MYT1L: variants seen among roughly 807,000 people sequenced by gnomAD.
The protein encoded by MYT1L is myelin transcription factor 1 like, also known as myelin transcription factor 1-like protein.
In MYT1L, 12 loss-of-function variants were observed where a neutral mutation model predicts 126.7. That is an observed-to-expected ratio of 0.09 (90% CI 0.06 to 0.15). The LOEUF is 0.15. Ranked by LOEUF, MYT1L falls within the 10% of genes least tolerant of loss-of-function variation. The pLI, the probability that MYT1L is intolerant of heterozygous loss-of-function variation, is 1.00. For synonymous variants in MYT1L, 541 were observed against 604.2 expected, an observed-to-expected ratio of 0.90 and a Z score of 1.53; for missense variants, 979 against 1,585.2, an observed-to-expected ratio of 0.62 and a Z score of 6.49.
At chr2:2,262,696 A>C (rs1464444676) in intron 2 of MYT1L, among the ~76,000 whole-genome samples, 21 of 150,856 alleles carry the variant, frequency 1.4e-4, no homozygotes, top group Non-Finnish European at 2.7e-4. Context: ...CCATCTCAAA[A>C]AAAAAAAAAA....
At chr2:2,109,875 TTATATATATATATA>T (rs58549168) in intron 3 of MYT1L, among the ~76,000 whole-genome samples, 2,852 of 63,884 alleles carry the variant, frequency 0.045, 115 homozygotes, top group East Asian at 0.14. Flanking sequence ...AGTGCTGATT[TTATATATATATATA>T]TATATATATA....
chr2:2,115,853 A>G (rs56277452), intron 3 of MYT1L, among the ~76,000 whole-genome samples: 1 of 148,980 alleles, frequency 6.7e-6, no homozygotes, highest in Non-Finnish European at 1.5e-5. Flanking sequence ...CCTGCTGTGC[A>G]GTTGAGGAAG....
intron 8 of MYT1L, among the ~76,000 whole-genome samples, chr2:1,947,298 C>T (rs1313011855): frequency 2.6e-5 from 4 of 152,108 alleles, no homozygotes; most frequent in East Asian, 3.9e-4. Context: ...TCAGACTGTG[C>T]GATGTTGGCC....
chr2:2,275,358 T>C (rs187812928), intron 2 of MYT1L, among the ~76,000 whole-genome samples: 1 of 152,156 alleles, frequency 6.6e-6, no homozygotes, highest in East Asian at 1.9e-4. Context: ...CCTAAAATGA[T>C]GAAGCTAATA....
chr2:1,971,500 G>A (rs553747834), intron 8 of MYT1L, among the ~76,000 whole-genome samples: 7 of 152,326 alleles, frequency 4.6e-5, no homozygotes, highest in Admixed American at 3.9e-4. Context: ...GGAGGCTGAG[G>A]CAGGCAGATC....
At chr2:2,061,123 T>G (rs2070417044) in intron 3 of MYT1L, among the ~76,000 whole-genome samples, 1 of 152,206 alleles carries the variant, frequency 6.6e-6, no homozygotes, top group African/African-American at 2.4e-5. Context: ...CAGATAATTT[T>G]GAGGCAGATT....
intron 8 of MYT1L, among the ~76,000 whole-genome samples, chr2:1,961,558 A>G (rs530222395): frequency 5.9e-5 from 9 of 152,374 alleles, no homozygotes; most frequent in African/African-American, 2.2e-4. Flanking sequence ...GGCCTCTGCC[A>G]TCGGGCTTCG....
intron 1 of MYT1L, among the ~76,000 whole-genome samples, chr2:2,316,206 G>A (rs1348557775): frequency 6.6e-6 from 1 of 152,084 alleles, no homozygotes; most frequent in Non-Finnish European, 1.5e-5. Context: ...TGGGCCTGAT[G>A]TTCTTCTCTA....
chr2:2,315,129 T>C (rs1450176742), intron 1 of MYT1L, among the ~76,000 whole-genome samples: 2 of 152,222 alleles, frequency 1.3e-5, no homozygotes, highest in Admixed American at 1.3e-4. Flanking sequence ...AGCACTTTTC[T>C]GTTAGTGTGT....
At chr2:2,144,410 A>G (rs2084545593) in intron 3 of MYT1L, among the ~76,000 whole-genome samples, 1 of 152,106 alleles carries the variant, frequency 6.6e-6, no homozygotes, top group African/African-American at 2.4e-5. Flanking sequence ...ATTCCTCCAT[A>G]TTGTGTGCTG....
chr2:1,877,577 G>C (rs1225080433), intron 18 of MYT1L, among the ~76,000 whole-genome samples: 1 of 152,158 alleles, frequency 6.6e-6, no homozygotes, highest in Non-Finnish European at 1.5e-5. Context: ...TGTTCAGTAA[G>C]AGTGCATGAT....
intron 2 of MYT1L, among the ~76,000 whole-genome samples, chr2:2,202,084 A>G (rs541502214): frequency 7.6e-4 from 116 of 152,280 alleles, no homozygotes; most frequent in African/African-American, 2.7e-3. Context: ...GAGAACAAAG[A>G]CACAACATAC....
chr2:2,317,298 G>C (rs2096082183), intron 1 of MYT1L, among the ~76,000 whole-genome samples: 1 of 152,126 alleles, frequency 6.6e-6, no homozygotes, highest in Non-Finnish European at 1.5e-5. Flanking sequence ...GACAAACAAG[G>C]GGCCCGTCGG....
intron 1 of MYT1L, among the ~76,000 whole-genome samples, chr2:2,318,341 A>C (rs2096103433): frequency 6.6e-6 from 1 of 152,210 alleles, no homozygotes; most frequent in South Asian, 2.1e-4. Flanking sequence ...GTTGTCTCAC[A>C]AATTTGCCTT....
chr2:2,197,554 C>A (rs1317901450), intron 2 of MYT1L, among the ~76,000 whole-genome samples: 1 of 151,558 alleles, frequency 6.6e-6, no homozygotes, highest in African/African-American at 2.4e-5. Context: ...TATATACATA[C>A]ATACATGCAC....
At chr2:2,310,893 C>A (rs2095957040) in intron 1 of MYT1L, among the ~76,000 whole-genome samples, 3 of 152,186 alleles carry the variant, frequency 2.0e-5, no homozygotes, top group Non-Finnish European at 4.4e-5. Context: ...CCATAAATAT[C>A]TTTCAGCAGA....
chr2:2,110,480 G>T (rs2079286327), intron 3 of MYT1L, among the ~76,000 whole-genome samples: 1 of 151,826 alleles, frequency 6.6e-6, no homozygotes, highest in African/African-American at 2.4e-5. Flanking sequence ...CAAAGCCAGG[G>T]GTCGCTTTTC....
At chr2:2,188,301 G>A (rs1247200935) in intron 2 of MYT1L, among the ~76,000 whole-genome samples, 1 of 152,116 alleles carries the variant, frequency 6.6e-6, no homozygotes, top group Non-Finnish European at 1.5e-5. Flanking sequence ...TTCTAAAAAC[G>A]ATTCTGCTAT....
intron 22 of MYT1L, among the ~76,000 whole-genome samples, chr2:1,808,594 T>C (rs978114736): frequency 6.6e-6 from 1 of 152,178 alleles, no homozygotes; most frequent in African/African-American, 2.4e-5. Context: ...CCTGTGCTGG[T>C]TGGTGACAAG....
Sources: allele counts gnomAD v4.1 joint callset (sites outside exome capture counted in the v4.1 genomes callset), GRCh38; gene constraint gnomAD v4.1.1; transcripts MANE v1.5; gene names NCBI Gene and HGNC (gene_info 2026-07-23, HGNC 2026-07-21).